Variants in CETP observed in about 807,000 individuals in gnomAD.
CETP encodes cholesteryl ester transfer protein.
CETP carries 56 observed loss-of-function variants against 66.5 expected under a neutral mutation model. The ratio of observed to expected loss-of-function variants is 0.84; its 90% CI spans 0.68 to 1.05. The LOEUF is 1.05. Ranked by LOEUF, CETP falls within the 50% of genes least tolerant of loss-of-function variation. The pLI, the probability that CETP is intolerant of heterozygous loss-of-function variation, is 0.00. For missense variants in CETP, 612 were observed against 609.6 expected, an observed-to-expected ratio of 1.00 and a Z score of -0.04; for synonymous variants, 251 against 245.7, an observed-to-expected ratio of 1.02 and a Z score of -0.20.
intron 10 of CETP, among the ~76,000 whole-genome samples, chr16:56,977,730 T>G (rs2056159642): frequency 6.6e-6 from 1 of 152,204 alleles, no homozygotes; most frequent in Non-Finnish European, 1.5e-5. Context: ...TTCTAAGCTC[T>G]TTCCACAGAT....
In CETP at chr16:56,971,415, C is replaced by T. The variant is rs748361965; in HGVS notation, c.658+34C>T. On this transcript the variant is annotated intron_variant, in intron 7 of 15. Transcript: ENST00000200676. ...GTTTCTGTCTGCATGCCTCAGAAGA[C>T]AGCAGTGGGAGCCAGAAAGCCACCT... 79 of 1,602,902 alleles carry T rather than the reference C, an allele frequency of 4.9e-5. No individual in the cohort carries two copies. The Admixed American group carries it at 1.2e-3, about 24-fold the overall frequency.
intron 10 of CETP, among the ~76,000 whole-genome samples, chr16:56,977,699 G>T (rs2056159319): frequency 1.3e-5 from 2 of 151,978 alleles, no homozygotes; most frequent in African/African-American, 4.8e-5. Flanking sequence ...CCCTCGGAGG[G>T]TTACCATGCA....
intron 8 of CETP, 45 bp from the exon 9 acceptor site, chr16:56,973,286 C>G: frequency 6.2e-7 from 1 of 1,605,744 alleles, no homozygotes; most frequent in East Asian, 2.2e-5. Context: ...GACCTGAGCC[C>G]AGTAGGGACA....
At chr16:56,981,978 G>A (rs1165513413) in intron 13 of CETP, among the ~76,000 whole-genome samples, 187 bp from the exon 14 acceptor site, 1 of 152,190 alleles carries the variant, frequency 6.6e-6, no homozygotes, top group African/African-American at 2.4e-5. Context: ...GCAATCCTGG[G>A]CCTCCCCAGG....
chr16:56,973,212 C>A, intron 8 of CETP, 119 bp from the exon 9 acceptor site: 1 of 1,047,924 alleles, frequency 9.5e-7, no homozygotes, highest in Non-Finnish European at 1.5e-6. Context: ...ACAGCTCTTT[C>A]CTCAGTTTCC....
At position 56,974,771 on chromosome 16, in the gene CETP, C is replaced by T. The variant is rs1435712624; in HGVS notation, c.931-330C>T. Reference sequence around the variant, plus strand: ...GTGGCCCCAAAGCCTGTACTCTTCACCTATACTGTACTAGAAATGCTTAGG... The same window carrying T: ...GTGGCCCCAAAGCCTGTACTCTTCATCTATACTGTACTAGAAATGCTTAGG... On this transcript the variant is annotated intron_variant, in intron 9 of 15. Transcript: ENST00000200676. Among the ~76,000 whole-genome samples the T allele has an allele frequency of 9.2e-5, 14 of 152,184 alleles. 1 individual carries two copies.
At position 56,983,708 on chromosome 16, in the gene CETP, A is replaced by C; in HGVS notation, c.*42A>C. 1 of 1,580,712 alleles carries C rather than the reference A, an allele frequency of 6.3e-7. No individual in the cohort carries two copies. Among genetic ancestry groups the C allele is most frequent in the Non-Finnish European group, 8.7e-7 (1 of 1,149,650 alleles). ...CGGGATGGGGCTTGTAGCAGAAGGCAAGCACCAGGCTCACAGCTGGAACCC... is the reference window on the plus strand; with the variant it reads ...CGGGATGGGGCTTGTAGCAGAAGGCCAGCACCAGGCTCACAGCTGGAACCC... On this transcript the variant is annotated 3_prime_UTR_variant, in exon 16 of 16. Transcript: ENST00000200676.
intron 11 of CETP, among the ~76,000 whole-genome samples, chr16:56,978,908 C>T (rs952489955): frequency 6.6e-6 from 1 of 152,220 alleles, no homozygotes; most frequent in Non-Finnish European, 1.5e-5. Flanking sequence ...TCACTACAAC[C>T]TCTGCCTCCC....
intron 10 of CETP, among the ~76,000 whole-genome samples, chr16:56,976,241 T>G (rs918945108): frequency 6.6e-6 from 1 of 152,160 alleles, no homozygotes; most frequent in Non-Finnish European, 1.5e-5. Flanking sequence ...CAATAATCTG[T>G]TCCCCACAGC....
In CETP at chr16:56,978,210, TC is replaced by T. The variant is rs769850349; in HGVS notation, c.1103del (p.Pro368HisfsTer9). The part of the protein sequence containing the change: ...NSSVMVKFLF[P>X]RPDQQHSVAY... ...CTTCAGTGATGGTGAAATTCCTCTT[TC>T]CACGCCCAGACCAGCAACATTCTGT... On this transcript the variant is annotated frameshift_variant, in exon 11 of 16. Transcript: ENST00000200676. LOFTEE classifies it high-confidence loss of function. 10 of 1,614,070 alleles carry T rather than the reference TC, an allele frequency of 6.2e-6. No homozygotes were observed. The East Asian group carries it at 2.2e-4, about 36-fold the overall frequency.
chr16:56,973,313 C>T lies in CETP; in HGVS notation c.751-18C>T, dbSNP rs1012804012. On this transcript the variant is annotated intron_variant, in intron 8 of 15. Transcript: ENST00000200676. ...GTAGGGACACACAGGGTCCAGCCAGCGTCCTGGCTTCCTCCAGGGTCATTT... is the reference window on the plus strand; with the variant it reads ...GTAGGGACACACAGGGTCCAGCCAGTGTCCTGGCTTCCTCCAGGGTCATTT... 19 of 1,613,340 alleles carry T rather than the reference C, an allele frequency of 1.2e-5. No individual in the cohort carries two copies. The highest frequency in any genetic ancestry group is 2.7e-5 in the African/African-American group (2 of 74,914).
chr16:56,962,331 G>T (rs1433138569), intron 1 of CETP: 1 of 725,662 alleles, frequency 1.4e-6, no homozygotes, highest in East Asian at 2.6e-5. Flanking sequence ...AAACAGCCAG[G>T]TATAGGGATT....
In CETP at chr16:56,979,822, A is replaced by G. The variant is rs554755514; in HGVS notation, c.1147-1336A>G. 5.7e-4 allele frequency among the ~76,000 whole-genome samples: 86 copies of G among 151,364 alleles called. No homozygotes were observed. The South Asian group carries it at 0.017, about 30-fold the overall frequency. Reference sequence around the variant, plus strand: ...GTGCTCGGCCAATATTTCTTAATACATTAAGAACTAAAGACAAGAGCGATA... The same window carrying G: ...GTGCTCGGCCAATATTTCTTAATACGTTAAGAACTAAAGACAAGAGCGATA... On this transcript the variant is annotated intron_variant, in intron 11 of 15. Coordinates refer to ENST00000200676, the MANE Select transcript of CETP (RefSeq NM_000078.3).
At chr16:56,982,824 T>C (rs748360413) in intron 14 of CETP, among the ~76,000 whole-genome samples, 6 of 152,090 alleles carry the variant, frequency 3.9e-5, no homozygotes, top group African/African-American at 7.2e-5. Flanking sequence ...TCCACATGGC[T>C]TAGGTAGGAG....
chr16:56,982,307 T>G, intron 14 of CETP, 70 bp downstream of exon 14: 1 of 1,457,268 alleles, frequency 6.9e-7, no homozygotes, highest in Non-Finnish European at 9.6e-7. Context: ...TTGTGGGCCC[T>G]TCCCAGGCAG....
In CETP at chr16:56,970,014, C is replaced by T. The variant is rs2056098530; in HGVS notation, c.527+13C>T. 6.2e-7 allele frequency: 1 copy of T among 1,610,142 alleles called. No homozygotes were observed. The highest frequency in any genetic ancestry group is 8.5e-7 in the Non-Finnish European group (1 of 1,177,932). On this transcript the variant is annotated intron_variant, in intron 5 of 15. Transcript: ENST00000200676. ...AAGGGGAGCGAGAGTAAGTACACCA[C>T]CCTGTGGCCCCCATTCCTGCTCGTG...
In CETP at chr16:56,973,427, TC is replaced by T. The variant is rs763714949; in HGVS notation, c.848del (p.Ser283LeufsTer11). On this transcript the variant is annotated frameshift_variant, in exon 9 of 16. Transcript: ENST00000200676. LOFTEE classifies it high-confidence loss of function. ...CTCCCGCATGCTGTACTTCTGGTTC[TC>T]TGAGCGAGTCTTCCACTCGCTGGCC... is the stretch of plus-strand genomic sequence containing the variant. ...GDSRMLYFWF[S>X]ERVFHSLAKV... 4 of 1,614,228 alleles carry T rather than the reference TC, an allele frequency of 2.5e-6. No individual in the cohort carries two copies. Among genetic ancestry groups the T allele is most frequent in the Middle Eastern group, 1.6e-4 (1 of 6,062 alleles).
chr16:56,963,464 T>G (rs1450124313), intron 2 of CETP, among the ~76,000 whole-genome samples: 2 of 152,050 alleles, frequency 1.3e-5, no homozygotes, highest in Non-Finnish European at 2.9e-5. Context: ...TTTAAAAAAA[T>G]GTATAAATGT....
In CETP at chr16:56,970,064, C is replaced by A. The variant is rs1384735267; in HGVS notation, c.527+63C>A. On this transcript the variant is annotated intron_variant, in intron 5 of 15. Coordinates refer to ENST00000200676, the MANE Select transcript of CETP (RefSeq NM_000078.3). ...GCCCATCCTGTTAGTGTGTCCACGG[C>A]TCCTTCCAGGCTCAACCCCACACAG... The A allele has an allele frequency of 4.0e-6, 6 of 1,507,238 alleles. No homozygotes were observed. The African/African-American group carries it at 6.9e-5, about 17-fold the overall frequency. 93.4% of individuals were successfully genotyped at this position (1,507,238 alleles called of 1,614,324 possible). A position where few individuals can be genotyped will look rare whatever the true frequency, so the allele number is the denominator to read the frequency against.
Sources: gnomAD v4.1 joint callset for allele counts (sites outside exome capture counted in the v4.1 genomes callset) on GRCh38, gnomAD v4.1.1 for gene constraint, MANE v1.5 for transcripts, NCBI Gene and HGNC (gene_info 2026-07-23, HGNC 2026-07-21) for gene names.